DCC: variants seen among roughly 807,000 people sequenced by gnomAD.
The protein encoded by DCC is DCC netrin 1 receptor.
DCC carries 58 observed loss-of-function variants against 172.5 expected under a neutral mutation model. The ratio of observed to expected loss-of-function variants is 0.34; its 90% CI spans 0.27 to 0.42. DCC has a LOEUF of 0.42. Among genes scored for constraint, DCC ranks in the 10% least tolerant of loss-of-function variants. DCC has a pLI of 1.00. For synonymous variants in DCC, 709 were observed against 644.5 expected (o/e 1.10, Z -1.52); for missense variants, 1,740 against 1,791.0 (o/e 0.97, Z 0.51).
At chr18:53,060,718 C>G (rs1444714460) in intron 5 of DCC, among the ~76,000 whole-genome samples, 1 of 152,050 alleles carries the variant, frequency 6.6e-6, no homozygotes, top group African/African-American at 2.4e-5. Flanking sequence ...ACTACGTGAT[C>G]AGCTTTGCTT....
intron 1 of DCC, among the ~76,000 whole-genome samples, chr18:52,573,009 G>A (rs894441588): frequency 6.6e-6 from 1 of 151,988 alleles, no homozygotes; most frequent in African/African-American, 2.4e-5. Flanking sequence ...TAAGCACCCT[G>A]GCCTAAGAAA....
At chr18:52,883,350 ATGTGTGTGTGTGTGTG>A (rs1172759213) in intron 2 of DCC, among the ~76,000 whole-genome samples, 2 of 34,172 alleles carry the variant, frequency 5.9e-5, no homozygotes, top group Non-Finnish European at 1.8e-4. Context: ...TTATTTATTT[ATGTGTGTGTGTGTGTG>A]TGTGTGTGTG....
intron 17 of DCC, among the ~76,000 whole-genome samples, chr18:53,393,808 T>C (rs536255073): frequency 6.6e-6 from 1 of 152,264 alleles, no homozygotes; most frequent in Non-Finnish European, 1.5e-5. Context: ...AAAGAGTGCC[T>C]GTGAGGTGAG....
chr18:52,771,626 C>T (rs375618910), intron 2 of DCC, among the ~76,000 whole-genome samples: 82 of 152,292 alleles, frequency 5.4e-4, no homozygotes, highest in African/African-American at 1.7e-3. Flanking sequence ...ACAAAGTTTT[C>T]TCTGTGCTAT....
chr18:53,035,165 T>TGTGTGTGC (rs2042076421), intron 5 of DCC, among the ~76,000 whole-genome samples: 1 of 151,520 alleles, frequency 6.6e-6, no homozygotes, highest in African/African-American at 2.4e-5. Flanking sequence ...TTTATCTGTG[T>TGTGTGTGC]GTGTGTGTGT....
chr18:52,519,759 A>G (rs559434083), intron 1 of DCC, among the ~76,000 whole-genome samples: 1 of 152,318 alleles, frequency 6.6e-6, no homozygotes, highest in African/African-American at 2.4e-5. Flanking sequence ...AAATAATAGG[A>G]TGGCTGACAT....
chr18:53,084,169 C>T (rs1416646515), intron 7 of DCC, among the ~76,000 whole-genome samples: 3 of 152,146 alleles, frequency 2.0e-5, no homozygotes, highest in African/African-American at 7.2e-5. Context: ...TACAGAGTCC[C>T]GAGGTGGCTC....
chr18:52,912,841 T>A (rs981346243), intron 3 of DCC, among the ~76,000 whole-genome samples: 4 of 152,080 alleles, frequency 2.6e-5, no homozygotes, highest in Non-Finnish European at 5.9e-5. Flanking sequence ...TCTGCCTTTA[T>A]AATCCTAGAC....
At chr18:52,445,622 A>C (rs964939829) in intron 1 of DCC, among the ~76,000 whole-genome samples, 6 of 152,150 alleles carry the variant, frequency 3.9e-5, no homozygotes, top group Non-Finnish European at 8.8e-5. Context: ...TCAGATGTTC[A>C]GTTTCTCTAA....
chr18:52,565,976 A>G (rs1257086540), intron 1 of DCC, among the ~76,000 whole-genome samples: 2 of 152,116 alleles, frequency 1.3e-5, no homozygotes, highest in East Asian at 3.9e-4. Context: ...TTTAGGTCTT[A>G]TGTTTAAGTC....
intron 2 of DCC, among the ~76,000 whole-genome samples, chr18:52,855,569 G>A (rs1481182032): frequency 6.6e-6 from 1 of 152,096 alleles, no homozygotes; most frequent in East Asian, 1.9e-4. Context: ...TGATACCAGA[G>A]AGAAAGGCAA....
intron 1 of DCC, among the ~76,000 whole-genome samples, chr18:52,406,153 C>T (rs1418192837): frequency 2.0e-5 from 3 of 149,726 alleles, no homozygotes; most frequent in Non-Finnish European, 4.4e-5. Context: ...CTTCCTTACA[C>T]CTTATACAAA....
At chr18:52,826,734 C>A (rs2038517130) in intron 2 of DCC, among the ~76,000 whole-genome samples, 1 of 152,024 alleles carries the variant, frequency 6.6e-6, no homozygotes, top group Admixed American at 6.5e-5. Flanking sequence ...CCGCCTAAGC[C>A]TCCCAAAGTG....
chr18:52,785,631 T>C (rs1444231536), intron 2 of DCC, among the ~76,000 whole-genome samples: 1 of 152,092 alleles, frequency 6.6e-6, no homozygotes, highest in Non-Finnish European at 1.5e-5. Context: ...CCATTTGCAG[T>C]TTGATTGCTC....
chr18:52,941,399 C>A (rs975893928), intron 5 of DCC, among the ~76,000 whole-genome samples: 18 of 151,914 alleles, frequency 1.2e-4, no homozygotes, highest in Non-Finnish European at 1.5e-5. Flanking sequence ...AAAAATTATG[C>A]ATCTTTATAA....
At chr18:53,368,193 A>G (rs896511309) in intron 15 of DCC, among the ~76,000 whole-genome samples, 1 of 152,036 alleles carries the variant, frequency 6.6e-6, no homozygotes. Flanking sequence ...ATAATTAGGG[A>G]TGTTGAACTC....
At chr18:53,010,064 G>T (rs973405673) in intron 5 of DCC, among the ~76,000 whole-genome samples, 2 of 151,902 alleles carry the variant, frequency 1.3e-5, no homozygotes, top group Non-Finnish European at 2.9e-5. Context: ...CTGTGATCTT[G>T]CCTCATACTG....
chr18:52,465,885 A>G (rs1988770604), intron 1 of DCC, among the ~76,000 whole-genome samples: 1 of 152,178 alleles, frequency 6.6e-6, no homozygotes, highest in Admixed American at 6.5e-5. Flanking sequence ...ACTTGTCACA[A>G]AAGTTATTTC....
chr18:53,407,534 T>A (rs994541080), intron 19 of DCC, among the ~76,000 whole-genome samples: 3 of 141,028 alleles, frequency 2.1e-5, no homozygotes, highest in Admixed American at 7.3e-5. Context: ...TCTGGATATA[T>A]ATATATATAT....
Sources: allele counts gnomAD v4.1 joint callset (sites outside exome capture counted in the v4.1 genomes callset), GRCh38; gene constraint gnomAD v4.1.1; transcripts MANE v1.5; gene names NCBI Gene and HGNC (gene_info 2026-07-23, HGNC 2026-07-21).